The following PRKAA2 variants were observed in gnomAD, a reference collection of about 807,000 sequenced individuals.
PRKAA2 encodes protein kinase AMP-activated catalytic subunit alpha 2, also known as 5'-AMP-activated protein kinase catalytic subunit alpha-2.
In PRKAA2, 40 loss-of-function variants were observed where a neutral mutation model predicts 56.3. The ratio of observed to expected loss-of-function variants is 0.71; its 90% CI spans 0.55 to 0.92. The LOEUF is 0.92. PRKAA2 is among the 40% of genes least tolerant of loss of function. PRKAA2 has a pLI of 0.00. For missense variants in PRKAA2, 542 were observed against 686.9 expected, an observed-to-expected ratio of 0.79 and a Z score of 2.36; for synonymous variants, 214 against 234.2, an observed-to-expected ratio of 0.91 and a Z score of 0.79.
intron 1 of PRKAA2, among the ~76,000 whole-genome samples, chr1:56,656,277 A>G (rs1195679952): frequency 6.6e-6 from 1 of 152,232 alleles, no homozygotes; most frequent in Non-Finnish European, 1.5e-5. Flanking sequence ...TACATGTATT[A>G]TTGGAAGCTA....
chr1:56,677,769 G>A (rs1644123888), intron 2 of PRKAA2, among the ~76,000 whole-genome samples: 1 of 151,128 alleles, frequency 6.6e-6, no homozygotes, highest in Non-Finnish European at 1.5e-5. Flanking sequence ...TGATTCTCAT[G>A]CCTCAGCCTT....
intron 1 of PRKAA2, among the ~76,000 whole-genome samples, chr1:56,658,255 A>C (rs981341848): frequency 2.6e-5 from 4 of 152,222 alleles, no homozygotes; most frequent in Non-Finnish European, 5.9e-5. Context: ...ATGGAATGTA[A>C]AATTATGTAG....
chr1:56,704,123 G>T lies in PRKAA2; in HGVS notation c.941G>T (p.Gly314Val). The change falls in exon 7 of 9, where the codon GGT becomes GTT. Residue 314 changes from glycine (G) to valine (V), a missense_variant. Around this residue, in one of 5 missense-constraint regions of PRKAA2, gnomAD observed 198 missense variants for 234.0 expected, o/e 0.85. Coordinates refer to ENST00000371244, the MANE Select transcript of PRKAA2 (RefSeq NM_006252.4). ...GAAGTAATGAACAGTTTATATAGTG[G>T]TGACCCTCAAGACCAGCTTGCAGTG... is the stretch of plus-strand genomic sequence containing the variant. ...ESEVMNSLYS[G>V]DPQDQLAVAY... The T allele has an allele frequency of 6.2e-7, 1 of 1,614,150 alleles. No homozygotes were observed. The highest frequency in any genetic ancestry group is 8.5e-7 in the Non-Finnish European group (1 of 1,180,028).
chr1:56,661,264 T>G (rs1276588998), intron 1 of PRKAA2, among the ~76,000 whole-genome samples: 1 of 152,112 alleles, frequency 6.6e-6, no homozygotes, highest in Non-Finnish European at 1.5e-5. Flanking sequence ...CTCAATAAAT[T>G]TTCACAAACT....
rs191557143 is a variant in PRKAA2, at chr1:56,689,771, T to A, written c.237-1623T>A. Among the ~76,000 whole-genome samples, 216 of 152,210 alleles carry A rather than the reference T, an allele frequency of 1.4e-3. 2 individuals are homozygous for A. The highest frequency in any genetic ancestry group is 5.0e-3 in the South Asian group (24 of 4,826). ...TTAACGTCTCCAAAACTTGGTTTGG[T>A]AAAATTGTGTATAGGGGTGTAAGTT... On this transcript the variant is annotated intron_variant, in intron 2 of 8. Coordinates refer to ENST00000371244, the MANE Select transcript of PRKAA2 (RefSeq NM_006252.4).
Position 56,709,961 on chromosome 1 carries a change from A to T in PRKAA2, c.*2248A>T, listed in dbSNP as rs1374451576. On this transcript the variant is annotated 3_prime_UTR_variant, in exon 9 of 9. Transcript: ENST00000371244. ...GGGTTCTTTTATGTGTATGTTTTTA[A>T]AACAGCTATTTTGTGAATCTAGGTG... 6.6e-6 allele frequency: 1 copy of T among 152,082 alleles called. No individual in the cohort carries two copies. The highest frequency in any genetic ancestry group is 1.5e-5 in the Non-Finnish European group (1 of 67,984). The allele number at this position is 152,082 out of a possible 1,614,324, so 9.4% of individuals were successfully genotyped here.
At chr1:56,683,269 A>G (rs1346733204) in intron 2 of PRKAA2, among the ~76,000 whole-genome samples, 1 of 152,018 alleles carries the variant, frequency 6.6e-6, no homozygotes, top group African/African-American at 2.4e-5. Flanking sequence ...GTAAATGGAG[A>G]TATCATCTAT....
At chr1:56,697,146 TG>T (rs1430620818) in intron 6 of PRKAA2, among the ~76,000 whole-genome samples, 1 of 151,244 alleles carries the variant, frequency 6.6e-6, no homozygotes, top group Non-Finnish European at 1.5e-5. Context: ...CCTGAGTAGC[TG>T]GGACTATAGG....
At chr1:56,645,824 C>G (rs1646635955) in intron 1 of PRKAA2, among the ~76,000 whole-genome samples, 2 of 152,188 alleles carry the variant, frequency 1.3e-5, no homozygotes, top group African/African-American at 4.8e-5. Context: ...GAGAACTGGA[C>G]TCGTTCTGCG....
In PRKAA2 at chr1:56,692,439, C is replaced by T. The variant is rs1244151799; in HGVS notation, c.412C>T (p.Arg138Ter). Reference sequence around the variant, plus strand: ...CTGTCATAGGCATATGGTTGTTCATCGAGACCTGAAACCAGAGAATGTCCT... The same window carrying T: ...CTGTCATAGGCATATGGTTGTTCATTGAGACCTGAAACCAGAGAATGTCCT... The part of the protein sequence containing the change: ...DYCHRHMVVH[R>*]DLKPENVLLD... Residue 138 changes from arginine (R) to a stop codon, truncating the protein, a stop_gained, in exon 4 of 9, where the codon CGA (arginine) becomes TGA (stop). Transcript: ENST00000371244. LOFTEE classifies it high-confidence loss of function. The T allele has an allele frequency of 5.0e-6, 8 of 1,613,936 alleles. No individual in the cohort carries two copies. In the Admixed American group the frequency reaches 6.7e-5, roughly 13 times the overall value.
At chr1:56,669,527 T>C (rs950974258) in intron 1 of PRKAA2, among the ~76,000 whole-genome samples, 1 of 152,002 alleles carries the variant, frequency 6.6e-6, no homozygotes, top group Non-Finnish European at 1.5e-5. Flanking sequence ...GGATCTACCA[T>C]GGTCACTCAC....
intron 2 of PRKAA2, among the ~76,000 whole-genome samples, chr1:56,687,448 G>A (rs1339534058): frequency 6.6e-6 from 1 of 151,308 alleles, no homozygotes; most frequent in African/African-American, 2.5e-5. Context: ...CTGTATAAAA[G>A]AGGTGGGGAG....
At chr1:56,646,364 T>C (rs954941019) in intron 1 of PRKAA2, among the ~76,000 whole-genome samples, 8 of 152,178 alleles carry the variant, frequency 5.3e-5, no homozygotes, top group Admixed American at 2.6e-4. Context: ...GATTTGAGGC[T>C]GAGGAGGTCA....
At chr1:56,698,995 C>G (rs1260066057) in intron 6 of PRKAA2, among the ~76,000 whole-genome samples, 1 of 152,116 alleles carries the variant, frequency 6.6e-6, no homozygotes, top group Non-Finnish European at 1.5e-5. Context: ...CAACTGAGCA[C>G]AAATCCCAGT....
chr1:56,700,818 T>G (rs1462190151), intron 6 of PRKAA2, among the ~76,000 whole-genome samples: 1 of 152,028 alleles, frequency 6.6e-6, no homozygotes, highest in East Asian at 1.9e-4. Flanking sequence ...GCTCCTCTAT[T>G]CTCCCCACCT....
At chr1:56,673,485 G>A (rs2100403955) in intron 1 of PRKAA2, among the ~76,000 whole-genome samples, 1 of 152,312 alleles carries the variant, frequency 6.6e-6, no homozygotes, top group Non-Finnish European at 1.5e-5. Context: ...GATGTTTTGA[G>A]GAGAGTAGTG....
chr1:56,705,024 T>G (rs1644322236), intron 7 of PRKAA2, among the ~76,000 whole-genome samples: 1 of 152,182 alleles, frequency 6.6e-6, no homozygotes, highest in African/African-American at 2.4e-5. Context: ...TCTTAAAAAT[T>G]AGTGCTCAAT....
At chr1:56,680,626 G>C (rs1051485417) in intron 2 of PRKAA2, among the ~76,000 whole-genome samples, 8 of 152,192 alleles carry the variant, frequency 5.3e-5, no homozygotes, top group Admixed American at 5.2e-4. Context: ...TTCTGTCCTT[G>C]TGATAGTTTG....
At chr1:56,647,860 T>C (rs1037905153) in intron 1 of PRKAA2, among the ~76,000 whole-genome samples, 4 of 151,670 alleles carry the variant, frequency 2.6e-5, no homozygotes, top group East Asian at 1.9e-4. Flanking sequence ...CGAAACCCCA[T>C]GTCTACTAAA....
Sources: allele counts gnomAD v4.1 joint callset (sites outside exome capture counted in the v4.1 genomes callset), GRCh38; gene constraint gnomAD v4.1.1; regional missense constraint gnomAD v4.1.1; transcripts MANE v1.5; gene names NCBI Gene and HGNC (gene_info 2026-07-23, HGNC 2026-07-21).